The following NWD1 variants were observed in gnomAD, a reference collection of about 807,000 sequenced individuals.
NWD1 encodes NACHT domain- and WD repeat-containing protein 1.
A neutral mutation model predicts 135.1 loss-of-function variants in NWD1; 129 were observed. The ratio of observed to expected loss-of-function variants is 0.96; its 90% CI spans 0.83 to 1.11. The LOEUF (loss-of-function observed/expected upper bound fraction) is 1.11, where lower values mean the gene tolerates loss of function less well. Among genes scored for constraint, NWD1 ranks in the 50% least tolerant of loss-of-function variants. The pLI, the probability that NWD1 is intolerant of heterozygous loss-of-function variation, is 0.00. For synonymous variants in NWD1, 773 were observed against 786.0 expected (o/e 0.98, Z 0.28); for missense variants, 1,740 against 1,851.3 (o/e 0.94, Z 1.10).
rs1215571714 is a variant in NWD1 at position 16,759,407 on chromosome 19, C to T, written c.1952C>T (p.Thr651Ile). The part of the protein sequence containing the change: ...YLARRPVDGF[T>I]LLAIAHRQLV... The stretch of plus-strand genomic sequence containing the variant: ...GCCCGGCGGCCCGTGGATGGCTTCA[C>T]CCTCCTGGCCATTGCCCACAGGTAG... The change falls in exon 7 of 19, where the codon ACC (threonine) becomes ATC (isoleucine). Residue 651 changes from threonine (T) to isoleucine (I), a missense_variant. Thr to Ile is a moderately conservative substitution (Grantham distance 89). Coordinates refer to ENST00000524140, the MANE Select transcript of NWD1 (RefSeq NM_001007525.5). 1.3e-6 allele frequency: 2 copies of T among 1,570,542 alleles called. No individual in the cohort carries two copies. Among genetic ancestry groups the T allele is most frequent in the Non-Finnish European group, 8.6e-7 (1 of 1,160,878 alleles).
At chr19:16,805,783 T>C (rs907569917) in intron 17 of NWD1, among the ~76,000 whole-genome samples, 2 of 152,216 alleles carry the variant, frequency 1.3e-5, no homozygotes. Flanking sequence ...AACGACTGAA[T>C]GAAGTTGAGA....
rs1018260465 is a variant in NWD1, at chr19:16,815,614, C to T, written c.*575C>T. ...TTCTCTTTCCCAACAGTCCTAGCCT[C>T]AACTCTACTGGTCCCAATTGGCCCA... is the stretch of plus-strand genomic sequence containing the variant. On this transcript the variant is annotated 3_prime_UTR_variant, in exon 19 of 19. Coordinates refer to ENST00000524140, the MANE Select transcript of NWD1 (RefSeq NM_001007525.5). 5.4e-5 allele frequency: 20 copies of T among 371,286 alleles called. No individual in the cohort carries two copies. Among genetic ancestry groups the T allele is most frequent in the African/African-American group, 3.8e-4 (18 of 47,874 alleles). The allele number at this position is 371,286 out of a possible 1,614,324, so 23.0% of individuals were successfully genotyped here.
At chr19:16,784,131 G>A (rs1969957637) in intron 12 of NWD1, among the ~76,000 whole-genome samples, 1 of 151,874 alleles carries the variant, frequency 6.6e-6, no homozygotes, top group Non-Finnish European at 1.5e-5. Context: ...CTTGAACCTG[G>A]GAGGTGGAGG....
At chr19:16,732,675 AG>A (rs1967627870) in intron 3 of NWD1, among the ~76,000 whole-genome samples, 1 of 113,880 alleles carries the variant, frequency 8.8e-6, no homozygotes, top group Non-Finnish European at 1.8e-5. Context: ...AAAAAGAAAA[AG>A]TGAAAAAGTG....
In NWD1 at chr19:16,759,237, G is replaced by A. The variant is rs369352623; in HGVS notation, c.1782G>A (p.Ser594=). ...GTCCTCCCTTCAGACACGGTCTCTCGGAGGCGGAGCTGAAGGATGTTTTGT... is the reference window on the plus strand; with the variant it reads ...GTCCTCCCTTCAGACACGGTCTCTCAGAGGCGGAGCTGAAGGATGTTTTGT... ...GYIVSSRHGL[S]EAELKDVLSL... Residue 594 remains serine, a synonymous_variant, in exon 7 of 19, where the codon TCG becomes TCA. Transcript: ENST00000524140. 6.2e-7 allele frequency: 1 copy of A among 1,613,938 alleles called. No homozygotes were observed. The highest frequency in any genetic ancestry group is 8.5e-7 in the Non-Finnish European group (1 of 1,179,876).
At chr19:16,755,715 T>C (rs113654029) in intron 6 of NWD1, among the ~76,000 whole-genome samples, 2 of 134,306 alleles carry the variant, frequency 1.5e-5, no homozygotes, top group African/African-American at 6.1e-5. Context: ...TATTTATTTA[T>C]TTAGTAGAGA....
At chr19:16,799,111 A>G (rs553913442) in intron 16 of NWD1, among the ~76,000 whole-genome samples, 414 of 152,230 alleles carry the variant, frequency 2.7e-3, no homozygotes, top group African/African-American at 9.2e-3. Context: ...AGGAATGGGA[A>G]GATGTGAAGG....
rs986468871 is a variant in NWD1, at chr19:16,786,766, C to T, written c.2732-2216C>T. On this transcript the variant is annotated intron_variant, in intron 12 of 18. Transcript: ENST00000524140. ...TTTGCCTTGTTGGCCAGGCTGGTCT[C>T]GATTCGAACTCCTGAGCTCAGGCGA... Among the ~76,000 whole-genome samples the T allele has an allele frequency of 5.3e-5, 8 of 151,800 alleles. 1 individual carries two copies.
chr19:16,775,910 G>C (rs554504669), intron 11 of NWD1, among the ~76,000 whole-genome samples: 4 of 152,190 alleles, frequency 2.6e-5, no homozygotes, highest in African/African-American at 9.6e-5. Context: ...TCAGGTGATC[G>C]CCTACCTTGG....
At position 16,809,432 on chromosome 19, in the gene NWD1, T is replaced by A. The variant is rs1397777044; in HGVS notation, c.4287+1296T>A. Among the ~76,000 whole-genome samples the A allele has an allele frequency of 3.3e-5, 5 of 152,142 alleles. No individual in the cohort carries two copies. The East Asian group carries it at 9.7e-4, about 29-fold the overall frequency. On this transcript the variant is annotated intron_variant, in intron 18 of 18. Transcript: ENST00000524140. Reference sequence around the variant, plus strand: ...ATCTAAAATGAATACCAAAATTCCATGAAGAACAAAATCTCAACATTATAG... The same window carrying A: ...ATCTAAAATGAATACCAAAATTCCAAGAAGAACAAAATCTCAACATTATAG...
At chr19:16,797,627 C>T (rs1222886060) in intron 15 of NWD1, 105 bp from the exon 16 acceptor site, 1 of 1,065,818 alleles carries the variant, frequency 9.4e-7, no homozygotes, top group Non-Finnish European at 1.4e-6. Context: ...GGATTACAGG[C>T]ATGAACCACC....
intron 12 of NWD1, among the ~76,000 whole-genome samples, chr19:16,784,955 C>T (rs1969988921): frequency 6.6e-6 from 1 of 150,454 alleles, no homozygotes; most frequent in African/African-American, 2.4e-5. Context: ...AACAAAACAA[C>T]AACAAAAACA....
At chr19:16,746,264 G>A (rs536827497) in intron 5 of NWD1, among the ~76,000 whole-genome samples, 12 of 152,120 alleles carry the variant, frequency 7.9e-5, no homozygotes, top group East Asian at 1.9e-4. Context: ...GGAGAGTGAC[G>A]TGGGAGGATT....
Position 16,732,677 on chromosome 19 carries a change from T to TAAAAAAAAAAAAAAAAAAAAAAA in NWD1, c.81+1399_81+1400insAAAAAAAAAAAAAAAAAAAAAAA, listed in dbSNP as rs1464805489. The stretch of plus-strand genomic sequence containing the variant: ...CTCAAAAAAAAAAAAAAAGAAAAAG[T>TAAAAAAAAAAAAAAAAAAAAAAA]GAAAAAGTGCAGTGGTGTGATCTCA... On this transcript the variant is annotated intron_variant, in intron 3 of 18. Transcript: ENST00000524140. Among the ~76,000 whole-genome samples, 13 of 85,148 alleles carry TAAAAAAAAAAAAAAAAAAAAAAA rather than the reference T, an allele frequency of 1.5e-4. 3 individuals carry two copies. The highest frequency in any genetic ancestry group is 7.4e-4 in the African/African-American group (12 of 16,136). 55.9% of individuals were successfully genotyped at this position (85,148 alleles called of 152,430 possible).
At chr19:16,764,812 G>C (rs2122901805) in intron 9 of NWD1, among the ~76,000 whole-genome samples, 1 of 152,258 alleles carries the variant, frequency 6.6e-6, no homozygotes, top group South Asian at 2.1e-4. Flanking sequence ...TCACACTTGG[G>C]GTGGGAGTGC....
intron 12 of NWD1, among the ~76,000 whole-genome samples, chr19:16,780,138 C>T (rs1057465535): frequency 6.6e-6 from 1 of 151,762 alleles, no homozygotes; most frequent in Admixed American, 6.6e-5. Flanking sequence ...GGTCTCTCAT[C>T]CCCAGCAAAG....
Position 16,815,706 on chromosome 19 carries a change from C to T in NWD1, c.*667C>T. The stretch of plus-strand genomic sequence containing the variant: ...AGAGCTCTAATCGGCTAGACTGATC[C>T]AATGTCCACCACTGGGACTGAGAAT... On this transcript the variant is annotated 3_prime_UTR_variant, in exon 19 of 19. Transcript: ENST00000524140. 5.5e-6 allele frequency: 1 copy of T among 182,252 alleles called. No individual in the cohort carries two copies. Among genetic ancestry groups the T allele is most frequent in the Non-Finnish European group, 1.2e-5 (1 of 86,230 alleles). The allele number at this position is 182,252 out of a possible 1,614,324, so 11.3% of individuals were successfully genotyped here. A position where few individuals can be genotyped will look rare whatever the true frequency, so the allele number is the denominator to read the frequency against.
At position 16,750,169 on chromosome 19, in the gene NWD1, AG is replaced by A. The variant is rs1968515367; in HGVS notation, c.1528del (p.Ala510LeufsTer6). The A allele has an allele frequency of 6.2e-7, 1 of 1,613,530 alleles. No individual in the cohort carries two copies. Among genetic ancestry groups the A allele is most frequent in the Admixed American group, 1.7e-5 (1 of 59,980 alleles). ...GQQMIQLLLAAARRTLSPVHT... is the reference protein window; with the variant it reads ...GQQMIQLLLAXARRTLSPVHT... The stretch of plus-strand genomic sequence containing the variant: ...AGCAGATGATCCAACTCCTGCTGGC[AG>A]CTGCAAGGAGGACGCTGAGCCCGGT... On this transcript the variant is annotated frameshift_variant, in exon 6 of 19. Transcript: ENST00000524140. LOFTEE classifies it high-confidence loss of function.
At chr19:16,736,608 G>A (rs1452497964) in intron 3 of NWD1, 26 bp from the exon 4 acceptor site, 32 of 1,400,254 alleles carry the variant, frequency 2.3e-5, no homozygotes, top group Admixed American at 3.9e-5. Flanking sequence ...CCACCTCTCT[G>A]ACAAACTTGT....
Sources: allele counts gnomAD v4.1 joint callset (sites outside exome capture counted in the v4.1 genomes callset), GRCh38; gene constraint gnomAD v4.1.1; transcripts MANE v1.5; gene names NCBI Gene and HGNC (gene_info 2026-07-23, HGNC 2026-07-21).